WWOX: variants seen among roughly 807,000 people sequenced by gnomAD.
WWOX encodes the protein WW domain containing oxidoreductase.
A neutral mutation model predicts 46.2 loss-of-function variants in WWOX; 69 were observed. The observed-to-expected ratio is 1.49, with a 90% CI of 1.23 to 1.82. The LOEUF (loss-of-function observed/expected upper bound fraction) is 1.82, where lower values mean the gene tolerates loss of function less well. Among genes scored for constraint, WWOX ranks in the 40% most tolerant of loss-of-function variants. The probability of loss-of-function intolerance (pLI) is 0.00; values close to 1 mark genes in which losing one functional copy is unlikely to be tolerated. For synonymous variants in WWOX, 359 were observed against 202.6 expected (o/e 1.77, Z -6.56); for missense variants, 919 against 542.6 (o/e 1.69, Z -6.89).
At position 78,184,525 on chromosome 16, in the gene WWOX, C is replaced by T. The variant is rs189806903; in HGVS notation, c.516+20236C>T. Among the ~76,000 whole-genome samples the T allele has an allele frequency of 1.8e-4, 27 of 151,886 alleles. No homozygotes were observed. In the East Asian group the frequency reaches 2.9e-3, roughly 16 times the overall value. On this transcript the variant is annotated intron_variant, in intron 5 of 8. Transcript: ENST00000566780. Reference sequence around the variant, plus strand: ...AATTAAAAATATTAAACAGCTTAGCCGGCACCCACATGGATGAATCACCGA... The same window carrying T: ...AATTAAAAATATTAAACAGCTTAGCTGGCACCCACATGGATGAATCACCGA...
intron 5 of WWOX, among the ~76,000 whole-genome samples, chr16:78,291,649 C>T (rs146895951): frequency 5.1e-4 from 78 of 152,126 alleles, no homozygotes; most frequent in African/African-American, 1.6e-3. Flanking sequence ...TGTGGGCTAA[C>T]GTTTCTTGGG....
chr16:79,139,695 A>C (rs1385455963), intron 8 of WWOX, among the ~76,000 whole-genome samples: 1 of 152,060 alleles, frequency 6.6e-6, no homozygotes, highest in Non-Finnish European at 1.5e-5. Context: ...AAATAGGTTT[A>C]GGGTGTTTGC....
intron 8 of WWOX, among the ~76,000 whole-genome samples, chr16:78,931,804 A>C (rs2045629543): frequency 6.6e-6 from 1 of 152,136 alleles, no homozygotes; most frequent in African/African-American, 2.4e-5. Context: ...TCTCCACCCA[A>C]GTCTCATCTT....
intron 8 of WWOX, among the ~76,000 whole-genome samples, chr16:78,895,168 G>C (rs2044674299): frequency 6.6e-6 from 1 of 152,204 alleles, no homozygotes; most frequent in East Asian, 1.9e-4. Context: ...TTTCAAAGTT[G>C]ATAGCATCAA....
At chr16:79,160,311 C>T (rs939354389) in intron 8 of WWOX, among the ~76,000 whole-genome samples, 6 of 152,122 alleles carry the variant, frequency 3.9e-5, no homozygotes, top group African/African-American at 1.2e-4. Context: ...AGATAGACTC[C>T]ATGCAACACA....
rs1295607430 is a variant in WWOX, at chr16:79,212,322, C to A, written c.*526C>A. ...ACTGCTGGGGAGACAAATCTCAGAA[C>A]CTTGTCCCAGCCAGTGAGGATGACA... On this transcript the variant is annotated 3_prime_UTR_variant, in exon 9 of 9. Coordinates refer to ENST00000566780, the MANE Select transcript of WWOX (RefSeq NM_016373.4). The A allele has an allele frequency of 6.3e-6, 5 of 799,744 alleles. No individual in the cohort carries two copies. Among genetic ancestry groups the A allele is most frequent in the Non-Finnish European group, 9.5e-6 (5 of 529,090 alleles). The allele number at this position is 799,744 out of a possible 1,614,324, so 49.5% of individuals were successfully genotyped here. A position where few individuals can be genotyped will look rare whatever the true frequency, so the allele number is the denominator to read the frequency against.
rs530987569 is a variant in WWOX, at chr16:78,507,779, C to G, written c.1056+75027C>G. The stretch of plus-strand genomic sequence containing the variant: ...GCCGTGTGCTGAGCGCAGAGCCATT[C>G]TCAGCATCCTGCCTTGATTAATAAG... On this transcript the variant is annotated intron_variant, in intron 8 of 8. Transcript: ENST00000566780. 3.3e-5 allele frequency among the ~76,000 whole-genome samples: 5 copies of G among 152,226 alleles called. No homozygotes were observed. In the South Asian group the frequency reaches 6.2e-4, roughly 19 times the overall value.
At chr16:79,030,064 A>G (rs143294449) in intron 8 of WWOX, among the ~76,000 whole-genome samples, 2 of 152,342 alleles carry the variant, frequency 1.3e-5, no homozygotes, top group African/African-American at 4.8e-5. Flanking sequence ...GTATGACCAA[A>G]AAAAATAGCA....
chr16:78,774,708 C>T (rs1173459063), intron 8 of WWOX, among the ~76,000 whole-genome samples: 1 of 151,886 alleles, frequency 6.6e-6, no homozygotes, highest in African/African-American at 2.4e-5. Flanking sequence ...GGAGGCTGTA[C>T]ATGTCCCCAC....
chr16:79,177,597 GA>G lies in WWOX; in HGVS notation c.1057-34005del, dbSNP rs112402630. On this transcript the variant is annotated intron_variant, in intron 8 of 8. Transcript: ENST00000566780. ...TTTGAAAATGGGTGATGGAGTGGGGGAAAAAAGTGGGAGCATCAGCTGAAAA... is the reference window on the plus strand; with the variant it reads ...TTTGAAAATGGGTGATGGAGTGGGGGAAAAAGTGGGAGCATCAGCTGAAAA... Among the ~76,000 whole-genome samples, 592 of 152,194 alleles carry G rather than the reference GA, an allele frequency of 3.9e-3. 4 individuals carry two copies. Among genetic ancestry groups the G allele is most frequent in the Middle Eastern group, 0.014 (4 of 294 alleles).
chr16:78,612,514 T>C (rs1015663813), intron 8 of WWOX, among the ~76,000 whole-genome samples: 1 of 152,216 alleles, frequency 6.6e-6, no homozygotes, highest in Non-Finnish European at 1.5e-5. Context: ...GCTCAATCTT[T>C]TGCCTAGGCC....
At chr16:78,438,852 T>A (rs888755291) in intron 8 of WWOX, among the ~76,000 whole-genome samples, 2 of 152,092 alleles carry the variant, frequency 1.3e-5, no homozygotes, top group Admixed American at 6.6e-5. Flanking sequence ...TGTTGCAAAG[T>A]TATAAATTAT....
At chr16:78,853,448 G>A (rs534600989) in intron 8 of WWOX, among the ~76,000 whole-genome samples, 1 of 152,100 alleles carries the variant, frequency 6.6e-6, no homozygotes, top group Non-Finnish European at 1.5e-5. Context: ...CATTATTGTG[G>A]TTATCATTAT....
chr16:78,746,023 A>G (rs1428942352), intron 8 of WWOX, among the ~76,000 whole-genome samples: 1 of 152,148 alleles, frequency 6.6e-6, no homozygotes, highest in Non-Finnish European at 1.5e-5. Flanking sequence ...ATCTGTATCC[A>G]TCCACAAGGA....
intron 1 of WWOX, chr16:78,100,346 G>C: frequency 1.4e-6 from 1 of 704,316 alleles, no homozygotes; most frequent in Non-Finnish European, 1.8e-6. Flanking sequence ...TCTACCTACT[G>C]GGTTCAGACA....
At chr16:79,141,509 T>C (rs974490078) in intron 8 of WWOX, among the ~76,000 whole-genome samples, 2 of 152,238 alleles carry the variant, frequency 1.3e-5, no homozygotes, top group Admixed American at 6.5e-5. Flanking sequence ...TCAGTGGTGA[T>C]AGCACCCGTT....
intron 5 of WWOX, among the ~76,000 whole-genome samples, chr16:78,361,014 G>C (rs2081399101): frequency 6.6e-6 from 1 of 152,014 alleles, no homozygotes. Context: ...ATCAAGGCAG[G>C]GTTTCATCAT....
At chr16:79,200,672 C>G (rs547494318) in intron 8 of WWOX, among the ~76,000 whole-genome samples, 52 of 152,074 alleles carry the variant, frequency 3.4e-4, no homozygotes, top group Non-Finnish European at 5.3e-4. Context: ...TTAGACTAAC[C>G]CTCCCTAAGC....
intron 8 of WWOX, among the ~76,000 whole-genome samples, chr16:78,546,324 A>G (rs974133468): frequency 1.3e-5 from 2 of 152,158 alleles, no homozygotes; most frequent in African/African-American, 4.8e-5. Flanking sequence ...ACCAGGAGGT[A>G]GAGAAAACAG....
Sources: gnomAD v4.1 joint callset for allele counts (sites outside exome capture counted in the v4.1 genomes callset) on GRCh38, gnomAD v4.1.1 for gene constraint, MANE v1.5 for transcripts, NCBI Gene and HGNC (gene_info 2026-07-23, HGNC 2026-07-21) for gene names.